Variants in MAST4 observed in about 807,000 individuals in gnomAD.
MAST4 encodes microtubule-associated serine/threonine-protein kinase 4.
Under a neutral mutation model 162.7 loss-of-function variants are expected in MAST4, and 89 were observed. The ratio of observed to expected loss-of-function variants is 0.55; its 90% CI spans 0.46 to 0.65. MAST4 has a LOEUF of 0.65. Ranked by LOEUF, MAST4 falls within the 30% of genes least tolerant of loss-of-function variation. The pLI is 0.00. For missense variants in MAST4, 3,153 were observed against 3,374.0 expected (o/e 0.93, Z 1.62); for synonymous variants, 1,479 against 1,361.1 (o/e 1.09, Z -1.91).
At chr5:66,920,602 T>C (rs1764467796) in intron 4 of MAST4, among the ~76,000 whole-genome samples, 1 of 152,116 alleles carries the variant, frequency 6.6e-6, no homozygotes, top group African/African-American at 2.4e-5. Context: ...GGGATTCCCT[T>C]GCCTCAGCCT....
chr5:66,860,568 A>G (rs191454545), intron 3 of MAST4, among the ~76,000 whole-genome samples: 3 of 151,776 alleles, frequency 2.0e-5, no homozygotes, highest in African/African-American at 7.2e-5. Context: ...TTTCAGCTGC[A>G]TAAGATTAGC....
chr5:67,054,774 G>A (rs1211286061), intron 5 of MAST4, among the ~76,000 whole-genome samples: 1 of 152,096 alleles, frequency 6.6e-6, no homozygotes, highest in Non-Finnish European at 1.5e-5. Context: ...TGGTTTCCAT[G>A]TTAGGAATAT....
chr5:66,879,926 T>C (rs1761581493), intron 3 of MAST4, among the ~76,000 whole-genome samples: 1 of 152,208 alleles, frequency 6.6e-6, no homozygotes, highest in African/African-American at 2.4e-5. Context: ...CAGTTCTTCT[T>C]TGGGGAGTAA....
intron 2 of MAST4, among the ~76,000 whole-genome samples, chr5:66,760,082 T>A (rs199953458): frequency 2.1e-5 from 2 of 94,008 alleles, no homozygotes; most frequent in African/African-American, 8.2e-5. Flanking sequence ...ATCCCCTATT[T>A]ATTTATTTAT....
intron 1 of MAST4, among the ~76,000 whole-genome samples, chr5:66,659,602 A>G (rs1746774727): frequency 6.6e-6 from 1 of 152,228 alleles, no homozygotes; most frequent in South Asian, 2.1e-4. Flanking sequence ...CATAACTTAA[A>G]TTCTGATGCA....
chr5:67,062,296 G>A (rs1759719359), intron 5 of MAST4, among the ~76,000 whole-genome samples: 3 of 152,060 alleles, frequency 2.0e-5, no homozygotes, highest in African/African-American at 7.2e-5. Context: ...TACTCAGGAA[G>A]CTGAGGTAGG....
chr5:66,621,044 A>T (rs2149406960), intron 1 of MAST4, among the ~76,000 whole-genome samples: 1 of 152,256 alleles, frequency 6.6e-6, no homozygotes, highest in East Asian at 1.9e-4. Context: ...GAGCACCAGC[A>T]GCAGTGTCTT....
At position 66,677,284 on chromosome 5, in the gene MAST4, C is replaced by T. The variant is rs982023395; in HGVS notation, c.363+80266C>T. Among the ~76,000 whole-genome samples the T allele has an allele frequency of 2.0e-5, 3 of 152,174 alleles. No homozygotes were observed. In the South Asian group the frequency reaches 6.2e-4, roughly 32 times the overall value. Reference sequence around the variant, plus strand: ...AGAAAATTATACCCTTGTAAAGGATCCCCAAGTTACAACGGCAATCACCAG... The same window carrying T: ...AGAAAATTATACCCTTGTAAAGGATTCCCAAGTTACAACGGCAATCACCAG... On this transcript the variant is annotated intron_variant, in intron 1 of 28. Transcript: ENST00000403625.
chr5:67,026,832 G>A (rs978732940), intron 4 of MAST4, among the ~76,000 whole-genome samples: 6 of 152,202 alleles, frequency 3.9e-5, no homozygotes, highest in African/African-American at 1.4e-4. Context: ...CACAGATGTG[G>A]AGGGCAAAGA....
chr5:67,023,413 T>C (rs1754234218), intron 4 of MAST4, among the ~76,000 whole-genome samples: 1 of 152,174 alleles, frequency 6.6e-6, no homozygotes, highest in Admixed American at 6.6e-5. Context: ...AATAATTACA[T>C]GGTAGCACAT....
At chr5:66,804,630 A>G (rs974906843) in intron 3 of MAST4, among the ~76,000 whole-genome samples, 4 of 152,322 alleles carry the variant, frequency 2.6e-5, no homozygotes, top group South Asian at 4.1e-4. Flanking sequence ...TATCCTTCCA[A>G]TGAAAGTAGA....
chr5:67,017,344 T>C (rs963175212), intron 4 of MAST4, among the ~76,000 whole-genome samples: 1 of 152,178 alleles, frequency 6.6e-6, no homozygotes, highest in Non-Finnish European at 1.5e-5. Context: ...TTAGGAACTT[T>C]GTTAAGGGTT....
chr5:67,138,958 G>A (rs911740600), intron 19 of MAST4, among the ~76,000 whole-genome samples: 8 of 152,198 alleles, frequency 5.3e-5, no homozygotes, highest in Non-Finnish European at 1.2e-4. Flanking sequence ...ATAATGATCA[G>A]CATCTCTGTG....
chr5:67,028,008 G>T (rs146039978), intron 4 of MAST4, among the ~76,000 whole-genome samples: 3 of 152,162 alleles, frequency 2.0e-5, no homozygotes, highest in Admixed American at 2.0e-4. Flanking sequence ...CTTCTTGAAC[G>T]CTTGCAGCTT....
At chr5:67,041,812 A>G (rs1434945214) in intron 4 of MAST4, among the ~76,000 whole-genome samples, 2 of 152,210 alleles carry the variant, frequency 1.3e-5, no homozygotes, top group East Asian at 1.9e-4. Context: ...TATTTTTAAT[A>G]TAGACAAGGT....
intron 12 of MAST4, among the ~76,000 whole-genome samples, chr5:67,115,584 C>G (rs1466852611): frequency 1.3e-5 from 2 of 152,170 alleles, no homozygotes; most frequent in African/African-American, 2.4e-5. Context: ...CTGAAAAGTT[C>G]CCTGGGGAGA....
intron 4 of MAST4, among the ~76,000 whole-genome samples, chr5:66,932,428 A>G (rs1742283262): frequency 6.6e-6 from 1 of 152,180 alleles, no homozygotes; most frequent in African/African-American, 2.4e-5. Context: ...TGAGATCTCA[A>G]GGCTACCCCA....
chr5:66,972,234 G>T (rs1191758755), intron 4 of MAST4, among the ~76,000 whole-genome samples: 1 of 152,106 alleles, frequency 6.6e-6, no homozygotes, highest in Non-Finnish European at 1.5e-5. Flanking sequence ...GAATGATGAG[G>T]TATTATGAAA....
intron 1 of MAST4, among the ~76,000 whole-genome samples, chr5:66,748,411 T>TC (rs1406380597): frequency 2.5e-3 from 14 of 5,500 alleles, no homozygotes; most frequent in African/African-American, 9.8e-3. Context: ...CTTCTTTCCT[T>TC]CCTCCCTTCC....
Sources: gnomAD v4.1 joint callset for allele counts (sites outside exome capture counted in the v4.1 genomes callset) on GRCh38, gnomAD v4.1.1 for gene constraint, MANE v1.5 for transcripts, NCBI Gene and HGNC (gene_info 2026-07-23, HGNC 2026-07-21) for gene names.